TRAPPC10: variants seen among roughly 807,000 people sequenced by gnomAD.
TRAPPC10 encodes the protein TRAPP 130 kDa subunit.
In TRAPPC10, 23 loss-of-function variants were observed where a neutral mutation model predicts 125.5. The ratio of observed to expected loss-of-function variants is 0.18; its 90% CI spans 0.13 to 0.26. TRAPPC10 has a LOEUF of 0.26. Ranked by LOEUF, TRAPPC10 falls within the 10% of genes least tolerant of loss-of-function variation. TRAPPC10 has a pLI of 1.00. For missense variants in TRAPPC10, 1,123 were observed against 1,308.4 expected, an observed-to-expected ratio of 0.86 and a Z score of 2.19; for synonymous variants, 509 against 518.0, an observed-to-expected ratio of 0.98 and a Z score of 0.24.
intron 2 of TRAPPC10, 123 bp downstream of exon 2, chr21:44,032,295 A>C: frequency 1.4e-6 from 1 of 734,340 alleles, no homozygotes; most frequent in Non-Finnish European, 2.2e-6. Context: ...ACAAGTTAAA[A>C]GCCTCAGTTC....
chr21:44,082,769 C>T lies in TRAPPC10; in HGVS notation c.1724-19C>T, dbSNP rs774337597. ...GAAGTGTGACTTGGGGAGTCACTTA[C>T]GATAATGTCTATTTACAGGTCATAA... On this transcript the variant is annotated intron_variant, in intron 13 of 22. Coordinates refer to ENST00000291574, the MANE Select transcript of TRAPPC10 (RefSeq NM_003274.5). This position sits in a 1 kb window ranked among gnomAD's most constrained non-coding sequence, Gnocchi z 4.4. 4.3e-5 allele frequency: 70 copies of T among 1,610,176 alleles called. No individual in the cohort carries two copies. In the South Asian group the frequency reaches 7.3e-4, roughly 17 times the overall value.
chr21:44,045,387 T>G (rs994574308), intron 3 of TRAPPC10, among the ~76,000 whole-genome samples: 1 of 152,226 alleles, frequency 6.6e-6, no homozygotes, highest in African/African-American at 2.4e-5. Flanking sequence ...TTTGCCTTAA[T>G]TTTTGAAAAA....
chr21:44,077,783 A>G lies in TRAPPC10; in HGVS notation c.1468A>G (p.Met490Val), dbSNP rs756095616. 4 of 1,604,800 alleles carry G rather than the reference A, an allele frequency of 2.5e-6. No homozygotes were observed. Among genetic ancestry groups the G allele is most frequent in the African/African-American group, 2.7e-5 (2 of 74,794 alleles). Reference protein sequence around the residue: ...FVGKDLAEFYMRKKAPQKAEI... With the variant: ...FVGKDLAEFYVRKKAPQKAEI... Reference sequence around the variant, plus strand: ...TGGAAAAGATCTGGCAGAGTTTTACATGTAATTGATTTTGTACTTTTCTTT... The same window carrying G: ...TGGAAAAGATCTGGCAGAGTTTTACGTGTAATTGATTTTGTACTTTTCTTT... The change falls in exon 11 of 23, where the codon ATG becomes GTG. Residue 490 changes from methionine to valine, a missense_variant and splice_region_variant. Met to Val is a conservative substitution (Grantham distance 21, BLOSUM62 1). Coordinates refer to ENST00000291574, the MANE Select transcript of TRAPPC10 (RefSeq NM_003274.5).
At chr21:44,044,607 T>C (rs2034644065) in intron 3 of TRAPPC10, among the ~76,000 whole-genome samples, 1 of 152,092 alleles carries the variant, frequency 6.6e-6, no homozygotes, top group South Asian at 2.1e-4. Flanking sequence ...GTTACTATTT[T>C]TTGCCTTAAA....
intron 18 of TRAPPC10, 159 bp from the exon 19 acceptor site, chr21:44,091,764 C>A (rs540923935): frequency 4.3e-6 from 3 of 697,142 alleles, no homozygotes; most frequent in South Asian, 2.0e-5. Context: ...TGGCACTTTT[C>A]GGTGTGAAAT....
At chr21:44,084,889 A>G (rs768016733) in intron 15 of TRAPPC10, among the ~76,000 whole-genome samples, 1 of 152,238 alleles carries the variant, frequency 6.6e-6, no homozygotes, top group Non-Finnish European at 1.5e-5. Context: ...TATAAGGGAT[A>G]TAGATGAAGA....
chr21:44,077,645 C>A, intron 10 of TRAPPC10, 48 bp from the exon 11 acceptor site: 3 of 1,333,660 alleles, frequency 2.2e-6, no homozygotes, highest in Non-Finnish European at 1.1e-6. Context: ...TAGTATTTGT[C>A]CATCATTAAA....
chr21:44,074,470 G>T lies in TRAPPC10; in HGVS notation c.1185G>T (p.Lys395Asn). Residue 395 changes from lysine to asparagine, a missense_variant and splice_region_variant, in exon 8 of 23, where the codon AAG becomes AAT. Lys to Asn is a moderately conservative substitution (Grantham distance 94, BLOSUM62 0). This residue lies in a region of TRAPPC10 where 840 missense variants were observed against 902.0 expected (regional missense o/e 0.93). Coordinates refer to ENST00000291574, the MANE Select transcript of TRAPPC10 (RefSeq NM_003274.5). The part of the protein sequence containing the change: ...TVGLWSYATE[K>N]LKSLGYLCGL... ...GGCTATGGAGCTATGCCACAGAAAA[G>T]GTGCCTACCTGCCCAAGTGTGGAAT... 2 of 1,614,146 alleles carry T rather than the reference G, an allele frequency of 1.2e-6. No homozygotes were observed. Among genetic ancestry groups the T allele is most frequent in the Non-Finnish European group, 1.7e-6 (2 of 1,180,004 alleles).
Position 44,063,166 on chromosome 21 carries a change from C to G in TRAPPC10, c.791-372C>G. 1 of 1,300,514 alleles carries G rather than the reference C, an allele frequency of 7.7e-7. No homozygotes were observed. Among genetic ancestry groups the G allele is most frequent in the Non-Finnish European group, 1.0e-6 (1 of 991,716 alleles). 80.6% of individuals were successfully genotyped at this position (1,300,514 alleles called of 1,614,324 possible). A position where few individuals can be genotyped will look rare whatever the true frequency, so the allele number is the denominator to read the frequency against. ...TCAGAGCAGGCTGCACTCCAGCCCA[C>G]AGGTAAAGATAAGGAAGCCCAGCCC... is the stretch of plus-strand genomic sequence containing the variant. On this transcript the variant is annotated intron_variant, in intron 6 of 22. Transcript: ENST00000291574. This position sits in a 1 kb window ranked among gnomAD's most constrained non-coding sequence, Gnocchi z 4.4.
chr21:44,034,979 A>G (rs1438533256), intron 2 of TRAPPC10, among the ~76,000 whole-genome samples: 1 of 152,230 alleles, frequency 6.6e-6, no homozygotes, highest in East Asian at 1.9e-4. Context: ...TGAAACATGC[A>G]AGAATAAGCT....
At chr21:44,089,769 A>C (rs2277806) in intron 17 of TRAPPC10, 64 bp from the exon 18 acceptor site, 305,207 of 1,264,518 alleles carry the variant, frequency 0.24, 45,639 homozygotes, top group African/African-American at 0.64. Flanking sequence ...TCTGGGCAGC[A>C]GTGGTGGTGG....
Position 44,075,085 on chromosome 21 carries a change from C to G in TRAPPC10, c.1232C>G (p.Pro411Arg). The G allele has an allele frequency of 6.2e-7, 1 of 1,614,120 alleles. No homozygotes were observed. Among genetic ancestry groups the G allele is most frequent in the Non-Finnish European group, 8.5e-7 (1 of 1,180,008 alleles). The change falls in exon 9 of 23, where the codon CCT becomes CGT. Residue 411 changes from proline (P) to arginine (R), a missense_variant. By Grantham distance (103) the Pro-to-Arg change is moderately radical. This residue lies in a region of TRAPPC10 where 840 missense variants were observed against 902.0 expected (regional missense o/e 0.93). Transcript: ENST00000291574. ...TGTGGACTTGTGTCAGAGAAAGGAC[C>G]TAACTCAGAAGATCTCAACAGGACA... ...YLCGLVSEKG[P>R]NSEDLNRTVD...
At position 44,063,242 on chromosome 21, in the gene TRAPPC10, C is replaced by T; in HGVS notation, c.791-296C>T. ...CCCTCGGCCTGAGACAGAGCCTGAGCTCCCCTAACCATGTAGCCTGTCTGT... is the reference window on the plus strand; with the variant it reads ...CCCTCGGCCTGAGACAGAGCCTGAGTTCCCCTAACCATGTAGCCTGTCTGT... On this transcript the variant is annotated intron_variant, in intron 6 of 22. Transcript: ENST00000291574. This position sits in a 1 kb window ranked among gnomAD's most constrained non-coding sequence, Gnocchi z 4.4. The T allele has an allele frequency of 8.0e-7, 1 of 1,255,664 alleles. No individual in the cohort carries two copies. The highest frequency in any genetic ancestry group is 1.0e-6 in the Non-Finnish European group (1 of 982,134). The allele number at this position is 1,255,664 out of a possible 1,614,324, so 77.8% of individuals were successfully genotyped here. A position where few individuals can be genotyped will look rare whatever the true frequency, so the allele number is the denominator to read the frequency against.
chr21:44,059,584 G>A lies in TRAPPC10; in HGVS notation c.790+370G>A, dbSNP rs546882740. The A allele has an allele frequency of 1.0e-5, 7 of 691,780 alleles. No individual in the cohort carries two copies. Among genetic ancestry groups the A allele is most frequent in the Middle Eastern group, 2.4e-4 (1 of 4,238 alleles). 42.9% of individuals were successfully genotyped at this position (691,780 alleles called of 1,614,324 possible). A position where few individuals can be genotyped will look rare whatever the true frequency, so the allele number is the denominator to read the frequency against. ...TCCAGGGGTTATCTTTGGAATGCTC[G>A]AGTGCTCATTGCTGTGAACTTATAA... On this transcript the variant is annotated intron_variant, in intron 6 of 22. Transcript: ENST00000291574. This position sits in a 1 kb window ranked among gnomAD's most constrained non-coding sequence, Gnocchi z 4.4.
At chr21:44,057,288 CTT>C (rs1491287163) in intron 5 of TRAPPC10, among the ~76,000 whole-genome samples, 1 of 151,630 alleles carries the variant, frequency 6.6e-6, no homozygotes, top group Non-Finnish European at 1.5e-5. Flanking sequence ...GAGCTGTAGT[CTT>C]CTCTCTCTCT....
intron 15 of TRAPPC10, among the ~76,000 whole-genome samples, chr21:44,086,222 C>G (rs1398651002): frequency 5.3e-5 from 8 of 152,248 alleles, no homozygotes; most frequent in African/African-American, 1.7e-4. Context: ...TCTGTCCACT[C>G]TCCCCCCGGT....
intron 1 of TRAPPC10, among the ~76,000 whole-genome samples, chr21:44,031,867 C>A (rs892730677): frequency 6.6e-6 from 1 of 152,178 alleles, no homozygotes; most frequent in Non-Finnish European, 1.5e-5. Flanking sequence ...GGGAAAATCA[C>A]ACCCACCCCA....
chr21:44,092,127 G>A (rs1270894082), intron 19 of TRAPPC10, 78 bp downstream of exon 19: 55 of 1,559,962 alleles, frequency 3.5e-5, no homozygotes, highest in Admixed American at 8.8e-5. Context: ...TATGTGTTGC[G>A]ACTGAGCCTT....
chr21:44,055,644 C>A, intron 4 of TRAPPC10, 54 bp from the exon 5 acceptor site: 1 of 1,392,666 alleles, frequency 7.2e-7, no homozygotes, highest in South Asian at 1.5e-5. Context: ...GCTGCTGAGT[C>A]GTGGTGCTGT....
Sources: allele counts gnomAD v4.1 joint callset (sites outside exome capture counted in the v4.1 genomes callset), GRCh38; gene constraint gnomAD v4.1.1; regional missense constraint gnomAD v4.1.1; non-coding constraint Gnocchi (gnomAD v3.1); transcripts MANE v1.5; gene names NCBI Gene and HGNC (gene_info 2026-07-23, HGNC 2026-07-21).